The following CSMD1 variants were observed in gnomAD, a reference collection of about 807,000 sequenced individuals.
CSMD1 encodes the protein CUB and Sushi multiple domains 1.
A neutral mutation model predicts 417.5 loss-of-function variants in CSMD1; 213 were observed. That is an observed-to-expected ratio of 0.51 (90% CI 0.46 to 0.57). CSMD1 has a LOEUF of 0.57. CSMD1 is among the 20% of genes least tolerant of loss of function. The pLI is 0.00. For missense variants in CSMD1, 6,923 were observed against 4,529.7 expected (o/e 1.53, Z -15.17); for synonymous variants, 2,862 against 1,736.8 (o/e 1.65, Z -16.11).
chr8:3,774,052 C>T (rs1798766249), intron 5 of CSMD1, among the ~76,000 whole-genome samples: 2 of 152,136 alleles, frequency 1.3e-5, no homozygotes, highest in Non-Finnish European at 2.9e-5. Context: ...TGGGCTTTTG[C>T]TATTTTCCTA....
chr8:4,571,788 T>C (rs1343306222), intron 2 of CSMD1, among the ~76,000 whole-genome samples: 3 of 152,352 alleles, frequency 2.0e-5, no homozygotes, highest in Admixed American at 2.0e-4. Flanking sequence ...CTCTAAGAAC[T>C]TGCTTTCCGA....
At chr8:4,090,525 C>T (rs1230658374) in intron 3 of CSMD1, among the ~76,000 whole-genome samples, 1 of 152,142 alleles carries the variant, frequency 6.6e-6, no homozygotes, top group African/African-American at 2.4e-5. Flanking sequence ...CTTTGTACAC[C>T]TCTTCATGTC....
intron 6 of CSMD1, among the ~76,000 whole-genome samples, chr8:3,750,400 C>A (rs1349173761): frequency 9.9e-5 from 15 of 150,816 alleles, no homozygotes; most frequent in Admixed American, 9.9e-4. Context: ...TGTTTGACAA[C>A]ATTTGGAAAG....
intron 9 of CSMD1, among the ~76,000 whole-genome samples, chr8:3,579,954 A>G (rs1234559323): frequency 1.3e-5 from 2 of 152,070 alleles, no homozygotes; most frequent in Non-Finnish European, 2.9e-5. Context: ...ACATACAAAA[A>G]TTAGCTGGGT....
chr8:4,325,169 A>G (rs1799490317), intron 3 of CSMD1, among the ~76,000 whole-genome samples: 1 of 152,154 alleles, frequency 6.6e-6, no homozygotes, highest in Non-Finnish European at 1.5e-5. Context: ...AGAGGAGAAA[A>G]ATAAATATAA....
At chr8:4,210,779 G>A (rs1304064091) in intron 3 of CSMD1, among the ~76,000 whole-genome samples, 1 of 152,104 alleles carries the variant, frequency 6.6e-6, no homozygotes, top group African/African-American at 2.4e-5. Flanking sequence ...AATTCAATGA[G>A]TAAATACGAG....
At chr8:3,467,991 C>T (rs1816876422) in intron 12 of CSMD1, among the ~76,000 whole-genome samples, 1 of 152,192 alleles carries the variant, frequency 6.6e-6, no homozygotes, top group South Asian at 2.1e-4. Flanking sequence ...ACATACACAT[C>T]TATCGGTTCA....
intron 41 of CSMD1, chr8:3,128,118 C>G (rs1286738547): frequency 6.6e-6 from 1 of 152,094 alleles, no homozygotes; most frequent in Non-Finnish European, 1.5e-5. Flanking sequence ...GCAATACCAA[C>G]AAAAGTAAAA....
chr8:4,921,284 G>A (rs915366209), intron 1 of CSMD1, among the ~76,000 whole-genome samples: 1 of 152,114 alleles, frequency 6.6e-6, no homozygotes, highest in African/African-American at 2.4e-5. Flanking sequence ...CTGAGTGGGG[G>A]TGCTAAACAC....
intron 5 of CSMD1, among the ~76,000 whole-genome samples, chr8:3,798,590 T>C (rs1336101860): frequency 6.6e-6 from 1 of 152,084 alleles, no homozygotes; most frequent in Non-Finnish European, 1.5e-5. Flanking sequence ...AAGGCAATTA[T>C]AAATAAAATA....
intron 3 of CSMD1, among the ~76,000 whole-genome samples, chr8:4,200,811 T>C (rs1799602585): frequency 6.6e-6 from 1 of 152,224 alleles, no homozygotes; most frequent in Admixed American, 6.5e-5. Context: ...TGAACTATTG[T>C]TAGGCCACTG....
intron 4 of CSMD1, among the ~76,000 whole-genome samples, chr8:4,028,927 C>A (rs144775631): frequency 1.7e-3 from 260 of 152,198 alleles, no homozygotes; most frequent in African/African-American, 6.0e-3. Flanking sequence ...GTCATTGGAA[C>A]AGTAAAATAG....
intron 43 of CSMD1, 55 bp downstream of exon 43, chr8:3,110,103 A>C: frequency 7.0e-7 from 1 of 1,429,042 alleles, no homozygotes; most frequent in Non-Finnish European, 9.5e-7. Context: ...TATGTATGCT[A>C]AGTCAGAATT....
At chr8:3,409,631 C>G (rs1446257936) in intron 12 of CSMD1, 26 bp from the exon 13 acceptor site, 6 of 1,515,532 alleles carry the variant, frequency 4.0e-6, no homozygotes, top group South Asian at 1.3e-5. Context: ...CAAATGAACC[C>G]TTAAAAAAAC....
chr8:4,632,286 G>T (rs1033903759), intron 2 of CSMD1, among the ~76,000 whole-genome samples: 1 of 152,122 alleles, frequency 6.6e-6, no homozygotes. Context: ...GCCGAGGTGG[G>T]CAGATCACCT....
intron 3 of CSMD1, among the ~76,000 whole-genome samples, chr8:4,321,748 G>C (rs190461009): frequency 8.5e-5 from 13 of 152,184 alleles, no homozygotes; most frequent in Admixed American, 6.5e-4. Context: ...ACGATTAAGA[G>C]TACTTTCAAA....
intron 5 of CSMD1, among the ~76,000 whole-genome samples, chr8:3,812,195 C>G (rs569636017): frequency 5.9e-5 from 9 of 152,272 alleles, no homozygotes; most frequent in African/African-American, 2.2e-4. Context: ...AAAGAGACCA[C>G]ATACAAACAA....
chr8:3,910,200 A>G (rs1230011717), intron 5 of CSMD1, among the ~76,000 whole-genome samples: 1 of 152,186 alleles, frequency 6.6e-6, no homozygotes, highest in South Asian at 2.1e-4. Context: ...TAATGCACGG[A>G]AAACAATGTT....
At chr8:4,792,938 C>G (rs1797769946) in intron 1 of CSMD1, among the ~76,000 whole-genome samples, 1 of 150,600 alleles carries the variant, frequency 6.6e-6, no homozygotes, top group South Asian at 2.1e-4. Flanking sequence ...AAAAGGGATG[C>G]AAATTATATA....
Sources: allele counts gnomAD v4.1 joint callset (sites outside exome capture counted in the v4.1 genomes callset), GRCh38; gene constraint gnomAD v4.1.1; transcripts MANE v1.5; gene names NCBI Gene and HGNC (gene_info 2026-07-23, HGNC 2026-07-21).